The following ADAMTSL1 variants were observed in gnomAD, a reference collection of about 807,000 sequenced individuals.
The protein encoded by ADAMTSL1 is ADAMTS like 1, also known as ADAMTS-like protein 1.
In ADAMTSL1, 126 loss-of-function variants were observed where a neutral mutation model predicts 201.8. The ratio of observed to expected loss-of-function variants is 0.62; its 90% CI spans 0.54 to 0.72. ADAMTSL1 has a LOEUF of 0.72. ADAMTSL1 is among the 30% of genes least tolerant of loss of function. The pLI is 0.00. For synonymous variants in ADAMTSL1, 1,121 were observed against 903.4 expected (o/e 1.24, Z -4.32); for missense variants, 2,679 against 2,277.8 (o/e 1.18, Z -3.59).
intron 5 of ADAMTSL1, among the ~76,000 whole-genome samples, chr9:18,630,717 G>T (rs781695677): frequency 6.6e-6 from 1 of 152,094 alleles, no homozygotes; most frequent in Non-Finnish European, 1.5e-5. Context: ...CTGACTTTTT[G>T]ATTGTTTTAG....
At chr9:18,038,570 C>T (rs1821303146) in intron 1 of ADAMTSL1, among the ~76,000 whole-genome samples, 1 of 152,066 alleles carries the variant, frequency 6.6e-6, no homozygotes, top group Non-Finnish European at 1.5e-5. Context: ...GCTATTTTGC[C>T]TAAAGGATTT....
At position 18,331,590 on chromosome 9, in the gene ADAMTSL1, T is replaced by G. The variant is rs144137003; in HGVS notation, c.207+167609T>G. ...AATGAATGAATTATTGAAGTCCCTG[T>G]ACTAATTTTATCTCTGGTGTAGAGG... is the stretch of plus-strand genomic sequence containing the variant. On this transcript the variant is annotated intron_variant, in intron 2 of 29. Transcript: ENST00000680146. Among the ~76,000 whole-genome samples the G allele has an allele frequency of 6.8e-3, 1,042 of 152,294 alleles. 4 individuals are homozygous for G. The highest frequency in any genetic ancestry group is 0.012 in the Non-Finnish European group (788 of 68,028).
intron 5 of ADAMTSL1, among the ~76,000 whole-genome samples, chr9:18,633,387 C>T (rs567956148): frequency 6.6e-6 from 1 of 152,098 alleles, no homozygotes; most frequent in Admixed American, 6.6e-5. Flanking sequence ...GTCAGGAGTT[C>T]AAGACCTGCC....
intron 3 of ADAMTSL1, among the ~76,000 whole-genome samples, chr9:18,545,193 A>G (rs997661364): frequency 1.3e-5 from 2 of 152,140 alleles, no homozygotes; most frequent in Admixed American, 1.3e-4. Context: ...TTTTGCCCCA[A>G]ACTCATTCAA....
chr9:18,412,293 T>C (rs1002125458), intron 2 of ADAMTSL1, among the ~76,000 whole-genome samples: 11 of 152,204 alleles, frequency 7.2e-5, no homozygotes, highest in African/African-American at 2.4e-4. Context: ...TGTCCAACAC[T>C]GGTGATGTTA....
chr9:17,961,366 C>G (rs13293273), intron 1 of ADAMTSL1, among the ~76,000 whole-genome samples: 14 of 151,908 alleles, frequency 9.2e-5, no homozygotes, highest in Non-Finnish European at 1.5e-5. Flanking sequence ...CTCCTGCCTC[C>G]GCCTCCTGAG....
At chr9:18,305,534 C>T (rs1299728796) in intron 2 of ADAMTSL1, among the ~76,000 whole-genome samples, 1 of 152,120 alleles carries the variant, frequency 6.6e-6, no homozygotes, top group Non-Finnish European at 1.5e-5. Context: ...GGGGCATCCG[C>T]CATTACTGAG....
chr9:18,383,323 C>G (rs920281788), intron 2 of ADAMTSL1, among the ~76,000 whole-genome samples: 2 of 152,102 alleles, frequency 1.3e-5, no homozygotes, highest in Non-Finnish European at 2.9e-5. Context: ...GGAGAGGACA[C>G]TGTCACCCCG....
At chr9:18,518,260 G>A (rs1191888152) in intron 2 of ADAMTSL1, among the ~76,000 whole-genome samples, 3 of 152,056 alleles carry the variant, frequency 2.0e-5, no homozygotes, top group Non-Finnish European at 4.4e-5. Flanking sequence ...AATATTGAAC[G>A]TCGTACTCAA....
intron 23 of ADAMTSL1, among the ~76,000 whole-genome samples, chr9:18,843,116 T>C (rs967483922): frequency 2.0e-5 from 3 of 151,048 alleles, no homozygotes; most frequent in Non-Finnish European, 4.4e-5. Context: ...GTTGATGCAG[T>C]TTCTTCCTAG....
chr9:18,136,018 C>G (rs1157261749), intron 1 of ADAMTSL1, among the ~76,000 whole-genome samples: 1 of 152,142 alleles, frequency 6.6e-6, no homozygotes, highest in African/African-American at 2.4e-5. Context: ...TCATGTAACT[C>G]TGATGTACAC....
At chr9:18,124,349 A>T (rs933915582) in intron 1 of ADAMTSL1, among the ~76,000 whole-genome samples, 10 of 152,154 alleles carry the variant, frequency 6.6e-5, no homozygotes, top group African/African-American at 9.6e-5. Context: ...CCAAAGTGCT[A>T]GGATTACAGG....
At chr9:18,318,056 A>G (rs1482516562) in intron 2 of ADAMTSL1, among the ~76,000 whole-genome samples, 1 of 152,216 alleles carries the variant, frequency 6.6e-6, no homozygotes, top group Non-Finnish European at 1.5e-5. Context: ...TTTTCTGTAA[A>G]TTAGACACCT....
At chr9:18,403,145 T>A (rs1818049615) in intron 2 of ADAMTSL1, among the ~76,000 whole-genome samples, 1 of 151,918 alleles carries the variant, frequency 6.6e-6, no homozygotes. Flanking sequence ...ATTTTCTCAT[T>A]TTCTTGTAAT....
chr9:18,400,758 C>T (rs560819108), intron 2 of ADAMTSL1, among the ~76,000 whole-genome samples: 4 of 152,116 alleles, frequency 2.6e-5, no homozygotes, highest in Non-Finnish European at 5.9e-5. Flanking sequence ...TCATTATTCA[C>T]GTATTTCTGA....
chr9:18,566,138 TC>T (rs1315940306), intron 3 of ADAMTSL1, among the ~76,000 whole-genome samples: 1 of 152,224 alleles, frequency 6.6e-6, no homozygotes, highest in Non-Finnish European at 1.5e-5. Context: ...AAATTTATTC[TC>T]GTAAATTTTT....
chr9:18,881,869 G>A (rs1209333986), intron 23 of ADAMTSL1, among the ~76,000 whole-genome samples: 4 of 152,218 alleles, frequency 2.6e-5, no homozygotes, highest in Middle Eastern at 3.4e-3. Flanking sequence ...CCTGCCCTTC[G>A]AAGCATCTCT....
chr9:18,586,780 G>T (rs1464804267), intron 4 of ADAMTSL1, among the ~76,000 whole-genome samples: 1 of 152,016 alleles, frequency 6.6e-6, no homozygotes, highest in Admixed American at 6.6e-5. Flanking sequence ...AGAGAGCCCA[G>T]AAATAAGGCC....
chr9:18,028,237 T>C (rs994085050), intron 1 of ADAMTSL1, among the ~76,000 whole-genome samples: 1 of 152,098 alleles, frequency 6.6e-6, no homozygotes, highest in Admixed American at 6.6e-5. Flanking sequence ...GTGTAGTTGC[T>C]TTAGGAGTCT....
Sources: allele counts gnomAD v4.1 joint callset (sites outside exome capture counted in the v4.1 genomes callset), GRCh38; gene constraint gnomAD v4.1.1; transcripts MANE v1.5; gene names NCBI Gene and HGNC (gene_info 2026-07-23, HGNC 2026-07-21).